TIAM2: variants seen among roughly 807,000 people sequenced by gnomAD.
TIAM2 encodes rho guanine nucleotide exchange factor TIAM2.
A neutral mutation model predicts 152.9 loss-of-function variants in TIAM2; 80 were observed. That is an observed-to-expected ratio of 0.52 (90% CI 0.44 to 0.63). The LOEUF (loss-of-function observed/expected upper bound fraction) is 0.63. Among genes scored for constraint, TIAM2 ranks in the 30% least tolerant of loss-of-function variants. TIAM2 has a pLI of 0.00. For synonymous variants in TIAM2, 804 were observed against 838.0 expected, an observed-to-expected ratio of 0.96 and a Z score of 0.70; for missense variants, 1,965 against 2,120.1, an observed-to-expected ratio of 0.93 and a Z score of 1.44.
chr6:155,139,034 C>T lies in TIAM2; in HGVS notation c.1630+1422C>T, dbSNP rs543090712. ...CGGCCTCGCAGCCTCTGGCATTCTG[C>T]ACAGCCCCCTGGGACTCTTTGTCAG... On this transcript the variant is annotated intron_variant, in intron 5 of 26. Transcript: ENST00000682666. 2.6e-3 allele frequency among the ~76,000 whole-genome samples: 397 copies of T among 152,360 alleles called. 5 individuals carry two copies. The highest frequency in any genetic ancestry group is 9.1e-3 in the African/African-American group (380 of 41,578).
In TIAM2 at chr6:155,146,689, C is replaced by T. The variant is rs374067540; in HGVS notation, c.1804-1421C>T. 1.1e-4 allele frequency among the ~76,000 whole-genome samples: 17 copies of T among 151,798 alleles called. No homozygotes were observed. The East Asian group carries it at 1.9e-3, about 17-fold the overall frequency. ...CAGCTCACTGCAACCTCTGCCTCCC[C>T]GGTTCAAGCAATTCTTGAATTCCTC... On this transcript the variant is annotated intron_variant, in intron 6 of 26. Transcript: ENST00000682666.
rs572501073 is a variant in TIAM2, at chr6:155,107,446, A to C, written c.-118+17067A>C. ...TCCAAAATTTGTACGTATTGTATGGATTTATTTTTCCTGATGGTCTCAAGA... is the reference window on the plus strand; with the variant it reads ...TCCAAAATTTGTACGTATTGTATGGCTTTATTTTTCCTGATGGTCTCAAGA... On this transcript the variant is annotated intron_variant, in intron 2 of 26. Transcript: ENST00000682666. Among the ~76,000 whole-genome samples the C allele has an allele frequency of 6.6e-5, 10 of 152,206 alleles. No homozygotes were observed. The South Asian group carries it at 1.5e-3, about 22-fold the overall frequency.
At chr6:155,120,366 T>G (rs1779124006) in intron 2 of TIAM2, among the ~76,000 whole-genome samples, 1 of 152,214 alleles carries the variant, frequency 6.6e-6, no homozygotes, top group South Asian at 2.1e-4. Context: ...ACTTTTTTTG[T>G]AAGGATTACT....
At chr6:155,068,275 T>A (rs1200820297) in intron 1 of TIAM2, among the ~76,000 whole-genome samples, 1 of 152,130 alleles carries the variant, frequency 6.6e-6, no homozygotes, top group Non-Finnish European at 1.5e-5. Flanking sequence ...GGCAAAAAAC[T>A]CTCTACCCAC....
At chr6:155,048,901 A>C (rs144196509) in intron 1 of TIAM2, among the ~76,000 whole-genome samples, 7,802 of 151,796 alleles carry the variant, frequency 0.051, 694 homozygotes, top group African/African-American at 0.18. Flanking sequence ...CCTGGGTTCA[A>C]GCAATTCTCC....
intron 1 of TIAM2, among the ~76,000 whole-genome samples, chr6:155,071,137 C>T (rs548017029): frequency 2.6e-5 from 4 of 151,968 alleles, no homozygotes; most frequent in South Asian, 2.1e-4. Flanking sequence ...CACACCACTG[C>T]GCTCCAGCTT....
chr6:155,120,230 T>A (rs1481821332), intron 2 of TIAM2, among the ~76,000 whole-genome samples: 1 of 152,264 alleles, frequency 6.6e-6, no homozygotes, highest in Admixed American at 6.5e-5. Flanking sequence ...TTGCCGCAGA[T>A]GGGTCTATCC....
chr6:155,130,726 G>T (rs992127768), intron 4 of TIAM2, among the ~76,000 whole-genome samples: 1 of 152,174 alleles, frequency 6.6e-6, no homozygotes, highest in Non-Finnish European at 1.5e-5. Flanking sequence ...CTGGAGGCTG[G>T]AAGTCAGAGG....
intron 1 of TIAM2, among the ~76,000 whole-genome samples, chr6:155,042,705 T>C (rs1015549375): frequency 6.6e-6 from 1 of 152,216 alleles, no homozygotes; most frequent in Non-Finnish European, 1.5e-5. Flanking sequence ...TTTATACATA[T>C]ATATACATAC....
At chr6:155,172,658 AT>A (rs1562340981) in intron 9 of TIAM2, among the ~76,000 whole-genome samples, 513 of 9,024 alleles carry the variant, frequency 0.057, 29 homozygotes, top group African/African-American at 0.13. Flanking sequence ...ATATATATAT[AT>A]ATATATATAT....
intron 1 of TIAM2, among the ~76,000 whole-genome samples, chr6:155,049,444 C>T (rs1358004832): frequency 6.6e-6 from 1 of 152,096 alleles, no homozygotes; most frequent in Non-Finnish European, 1.5e-5. Flanking sequence ...TCTCTGTTTT[C>T]CTAATTTTTG....
chr6:155,250,471 G>C (rs1368245018), intron 21 of TIAM2: 1 of 1,345,160 alleles, frequency 7.4e-7, no homozygotes, highest in Admixed American at 2.2e-5. Flanking sequence ...AAAATGGCAG[G>C]AACAGGAAAG....
chr6:155,187,501 A>T (rs1356270901), intron 14 of TIAM2, among the ~76,000 whole-genome samples: 1 of 150,260 alleles, frequency 6.7e-6, no homozygotes, highest in Non-Finnish European at 1.5e-5. Context: ...TGCAGATTCC[A>T]GGGTTTTGCT....
intron 14 of TIAM2, among the ~76,000 whole-genome samples, chr6:155,197,923 T>C (rs1042976594): frequency 6.6e-6 from 1 of 152,176 alleles, no homozygotes; most frequent in African/African-American, 2.4e-5. Context: ...ACTGAGCAAG[T>C]CAGTATGTGT....
chr6:155,073,849 C>G (rs1303034200), intron 1 of TIAM2, among the ~76,000 whole-genome samples: 1 of 152,160 alleles, frequency 6.6e-6, no homozygotes, highest in Non-Finnish European at 1.5e-5. Context: ...TGCTTCTCAA[C>G]AAAATACTCA....
At position 155,240,812 on chromosome 6, in the gene TIAM2, TCCCCAGGGGGGG is replaced by T; in HGVS notation, c.3348+104_3348+115del. On this transcript the variant is annotated intron_variant, in intron 16 of 26. Transcript: ENST00000682666. ...CACCTCTGCCCAGGACACCTGCCAC[TCCCCAGGGGGGG>T]ACACCTGCTCCTTGAATCAGTGAAT... 7 of 1,234,210 alleles carry T rather than the reference TCCCCAGGGGGGG, an allele frequency of 5.7e-6. No homozygotes were observed. In the East Asian group the frequency reaches 7.3e-5, roughly 13 times the overall value. 76.5% of individuals were successfully genotyped at this position (1,234,210 alleles called of 1,614,324 possible).
intron 1 of TIAM2, among the ~76,000 whole-genome samples, chr6:155,052,955 A>T (rs1583169322): frequency 6.6e-6 from 1 of 152,168 alleles, no homozygotes; most frequent in African/African-American, 2.4e-5. Context: ...TTTAGAATCT[A>T]GGAGAATTGC....
At chr6:155,067,757 C>T (rs894544153) in intron 1 of TIAM2, among the ~76,000 whole-genome samples, 5 of 152,080 alleles carry the variant, frequency 3.3e-5, no homozygotes, top group African/African-American at 4.8e-5. Flanking sequence ...CCTCCCACCT[C>T]TTAGCCTCCC....
intron 2 of TIAM2, among the ~76,000 whole-genome samples, chr6:155,116,143 T>C (rs930407546): frequency 6.6e-6 from 1 of 152,212 alleles, no homozygotes; most frequent in Non-Finnish European, 1.5e-5. Context: ...CCTCCATCCG[T>C]GTTTCATCTA....
Sources: gnomAD v4.1 joint callset for allele counts (sites outside exome capture counted in the v4.1 genomes callset) on GRCh38, gnomAD v4.1.1 for gene constraint, MANE v1.5 for transcripts, NCBI Gene and HGNC (gene_info 2026-07-23, HGNC 2026-07-21) for gene names.